Variants in SLC5A4 observed in about 807,000 individuals in gnomAD.
SLC5A4 encodes the protein solute carrier family 5 member 4.
Under a neutral mutation model 70.3 loss-of-function variants are expected in SLC5A4, and 55 were observed. The ratio of observed to expected loss-of-function variants is 0.78; its 90% CI spans 0.63 to 0.98. The LOEUF (loss-of-function observed/expected upper bound fraction) is 0.98, where lower values mean the gene tolerates loss of function less well. Ranked by LOEUF, SLC5A4 falls within the 50% of genes least tolerant of loss-of-function variation. The probability of loss-of-function intolerance (pLI) is 0.00; values close to 1 mark genes in which losing one functional copy is unlikely to be tolerated. For missense variants in SLC5A4, 735 were observed against 839.2 expected (o/e 0.88, Z 1.53); for synonymous variants, 268 against 305.7 (o/e 0.88, Z 1.29).
At chr22:32,246,449 TTTTTACATG>T (rs1926837873) in intron 5 of SLC5A4, among the ~76,000 whole-genome samples, 1 of 152,220 alleles carries the variant, frequency 6.6e-6, no homozygotes, top group African/African-American at 2.4e-5. Context: ...TACTCTTTGT[TTTTTACATG>T]TGCTGCTGAA....
Position 32,234,988 on chromosome 22 carries a change from G to A in SLC5A4, c.770C>T (p.Thr257Ile). The part of the protein sequence containing the change: ...DNLTISASCY[T>I]PRADSFHIFR... ...GATGTGGAAGGAGTCCGCCCGAGGTGTGTAGCAACTGGCACTGATTGTCAA... is the reference window on the plus strand; with the variant it reads ...GATGTGGAAGGAGTCCGCCCGAGGTATGTAGCAACTGGCACTGATTGTCAA... The change falls in exon 8 of 15, where the codon ACA (threonine) becomes ATA (isoleucine). Residue 257 changes from threonine to isoleucine, a missense_variant. Physicochemically the swap from Thr to Ile is moderately conservative, Grantham distance 89. Transcript: ENST00000266086. 1 of 1,613,908 alleles carries A rather than the reference G, an allele frequency of 6.2e-7. No homozygotes were observed. Among genetic ancestry groups the A allele is most frequent in the South Asian group, 1.1e-5 (1 of 91,066 alleles).
the SLC5A4 span, among the ~76,000 whole-genome samples, chr22:32,338,526 G>A: frequency 1.8e-4 from 27 of 152,198 alleles, no homozygotes; most frequent in African/African-American, 6.0e-4. Context: ...TTAGCCAGGC[G>A]TGGTGGTGGG....
At chr22:32,293,972 G>A in the SLC5A4 span, among the ~76,000 whole-genome samples, 2 of 152,020 alleles carry the variant, frequency 1.3e-5, no homozygotes, top group Non-Finnish European at 1.5e-5. Flanking sequence ...ACTGTAGTTT[G>A]TAAGTCTAAT....
intron 2 of SLC5A4, among the ~76,000 whole-genome samples, chr22:32,252,463 T>A (rs1403986967): frequency 6.6e-6 from 1 of 152,230 alleles, no homozygotes; most frequent in African/African-American, 2.4e-5. Context: ...TGAAATTGTA[T>A]GATTCAAATT....
chr22:32,313,562 C>T, the SLC5A4 span, among the ~76,000 whole-genome samples: 1 of 152,216 alleles, frequency 6.6e-6, no homozygotes, highest in African/African-American at 2.4e-5. Context: ...ACAAGATCTA[C>T]AGTGTGGAAA....
the SLC5A4 span, among the ~76,000 whole-genome samples, chr22:32,335,450 G>A: frequency 1.3e-5 from 2 of 152,194 alleles, no homozygotes; most frequent in East Asian, 1.9e-4. Flanking sequence ...CACACAGAGT[G>A]GACAGAGACA....
chr22:32,248,851 T>C, intron 3 of SLC5A4, 49 bp from the exon 4 acceptor site: 2 of 1,278,388 alleles, frequency 1.6e-6, no homozygotes, highest in Non-Finnish European at 2.3e-6. Context: ...GAGGCTTGGC[T>C]TGTGGACCTT....
intron 13 of SLC5A4, among the ~76,000 whole-genome samples, chr22:32,223,962 C>A (rs562043879): frequency 6.6e-6 from 1 of 152,156 alleles, no homozygotes; most frequent in African/African-American, 2.4e-5. Context: ...GCTCTGTCAC[C>A]CAGGTTGGAG....
At chr22:32,241,839 C>CTGTGTG (rs750938000) in intron 5 of SLC5A4, among the ~76,000 whole-genome samples, 43 of 114,158 alleles carry the variant, frequency 3.8e-4, no homozygotes, top group African/African-American at 1.0e-3. Flanking sequence ...ATATATATAT[C>CTGTGTG]TGTGTGTGTG....
At chr22:32,340,144 TCCTC>T in the SLC5A4 span, among the ~76,000 whole-genome samples, 2 of 10,226 alleles carry the variant, frequency 2.0e-4, no homozygotes, top group East Asian at 4.5e-3. Flanking sequence ...TCTCCGAGCC[TCCTC>T]GGTGTCTCCT....
At chr22:32,227,309 G>A (rs1264351507) in intron 11 of SLC5A4, among the ~76,000 whole-genome samples, 1 of 152,110 alleles carries the variant, frequency 6.6e-6, no homozygotes, top group Non-Finnish European at 1.5e-5. Flanking sequence ...TGCATCTTGG[G>A]TCTCCTGAAC....
chr22:32,336,769 T>C, the SLC5A4 span, among the ~76,000 whole-genome samples: 1 of 152,226 alleles, frequency 6.6e-6, no homozygotes, highest in Admixed American at 6.5e-5. Context: ...ACATTGATTT[T>C]TCCAAGCAAA....
intron 10 of SLC5A4, 135 bp from the exon 11 acceptor site, chr22:32,229,479 G>A: frequency 1.2e-6 from 1 of 857,020 alleles, no homozygotes; most frequent in South Asian, 2.3e-5. Context: ...ATCAGCATGT[G>A]GAGTTTCCTG....
chr22:32,306,308 A>AAAT, the SLC5A4 span, among the ~76,000 whole-genome samples: 1 of 143,156 alleles, frequency 7.0e-6, no homozygotes, highest in South Asian at 2.4e-4. Flanking sequence ...TACTAAAAAT[A>AAAT]CAAAAAATTA....
the SLC5A4 span, among the ~76,000 whole-genome samples, chr22:32,281,100 C>G: frequency 1.3e-5 from 2 of 152,184 alleles, no homozygotes; most frequent in African/African-American, 4.8e-5. Context: ...TGGGGAGCCA[C>G]AAATAGACAT....
At chr22:32,224,839 A>G (rs1925299681) in intron 12 of SLC5A4, among the ~76,000 whole-genome samples, 1 of 152,214 alleles carries the variant, frequency 6.6e-6, no homozygotes, top group Non-Finnish European at 1.5e-5. Context: ...ATGTTACACA[A>G]TTTCCAGAGC....
At chr22:32,288,897 A>G in the SLC5A4 span, among the ~76,000 whole-genome samples, 178 of 152,284 alleles carry the variant, frequency 1.2e-3, 1 homozygote, top group African/African-American at 4.2e-3. Flanking sequence ...TGATCATATC[A>G]TCTGTGAAAG....
chr22:32,280,819 C>G, the SLC5A4 span, among the ~76,000 whole-genome samples: 1 of 152,110 alleles, frequency 6.6e-6, no homozygotes, highest in Admixed American at 6.5e-5. Flanking sequence ...GGATGACACT[C>G]GGAGGGTGCA....
chr22:32,352,924 C>T, the SLC5A4 span, among the ~76,000 whole-genome samples: 2 of 152,234 alleles, frequency 1.3e-5, no homozygotes, highest in African/African-American at 4.8e-5. Flanking sequence ...CCAACCACAG[C>T]GAGGCGAGCG....
Sources: gnomAD v4.1 joint callset for allele counts (sites outside exome capture counted in the v4.1 genomes callset) on GRCh38, gnomAD v4.1.1 for gene constraint, MANE v1.5 for transcripts, NCBI Gene and HGNC (gene_info 2026-07-23, HGNC 2026-07-21) for gene names.